ABHD16A: variants seen among roughly 807,000 people sequenced by gnomAD.
ABHD16A encodes the protein phosphatidylserine lipase ABHD16A.
A neutral mutation model predicts 89.8 loss-of-function variants in ABHD16A; 47 were observed. That is an observed-to-expected ratio of 0.52 (90% confidence interval 0.41 to 0.67). The LOEUF (loss-of-function observed/expected upper bound fraction) is 0.67. Among genes scored for constraint, ABHD16A ranks in the 30% least tolerant of loss-of-function variants. The pLI is 0.00. For synonymous variants in ABHD16A, 251 were observed against 280.4 expected (o/e 0.90, Z 1.05); for missense variants, 580 against 734.6 (o/e 0.79, Z 2.43).
At chr6:31,699,118 A>G (rs1804655783) in intron 4 of ABHD16A, among the ~76,000 whole-genome samples, 1 of 152,024 alleles carries the variant, frequency 6.6e-6, no homozygotes, top group Non-Finnish European at 1.5e-5. Flanking sequence ...TGAGAAAACC[A>G]TGCCCTTGCT....
Position 31,688,323 on chromosome 6 carries a change from G to A in ABHD16A, c.1251-18C>T, listed in dbSNP as rs777778576. Reference sequence around the variant, plus strand: ...CCTGGTATCTTCAGAGAACAGAGCAGTGGGAAGGGAGAGCTCAGAGGGAGA... The same window carrying A: ...CCTGGTATCTTCAGAGAACAGAGCAATGGGAAGGGAGAGCTCAGAGGGAGA... On this transcript the variant is annotated intron_variant, in intron 14 of 19. Transcript: ENST00000395952. This position sits in a 1 kb window ranked among gnomAD's most constrained non-coding sequence, Gnocchi z 4.9. 6.2e-7 allele frequency: 1 copy of A among 1,613,446 alleles called. No individual in the cohort carries two copies. Among genetic ancestry groups the A allele is most frequent in the Non-Finnish European group, 8.5e-7 (1 of 1,179,426 alleles).
chr6:31,689,858 G>T (rs1803694269), intron 11 of ABHD16A, among the ~76,000 whole-genome samples, 154 bp from the exon 12 acceptor site: 1 of 152,156 alleles, frequency 6.6e-6, no homozygotes, highest in Non-Finnish European at 1.5e-5. Flanking sequence ...CCAGAAGACG[G>T]ATGTGTACAA....
chr6:31,697,251 G>T (rs905589435), intron 4 of ABHD16A, among the ~76,000 whole-genome samples: 8 of 152,210 alleles, frequency 5.3e-5, no homozygotes, highest in Non-Finnish European at 8.8e-5. Flanking sequence ...CCTAGCTTCT[G>T]CAGTTTGTGT....
In ABHD16A at chr6:31,688,366, A is replaced by C. The variant is rs1803514439; in HGVS notation, c.1251-61T>G. ...GAGGGAGACGGGTGACAACTGGCCC[A>C]CCCCTATCCCTGCACTGGTAGCATT... On this transcript the variant is annotated intron_variant, in intron 14 of 19. Coordinates refer to ENST00000395952, the MANE Select transcript of ABHD16A (RefSeq NM_021160.3). This position sits in a 1 kb window ranked among gnomAD's most constrained non-coding sequence, Gnocchi z 4.9. 5.3e-6 allele frequency: 8 copies of C among 1,522,084 alleles called. No homozygotes were observed. The highest frequency in any genetic ancestry group is 6.4e-6 in the Non-Finnish European group (7 of 1,097,786). 94.3% of individuals were successfully genotyped at this position (1,522,084 alleles called of 1,614,324 possible). A position where few individuals can be genotyped will look rare whatever the true frequency, so the allele number is the denominator to read the frequency against.
At chr6:31,699,514 A>C (rs1804724529) in intron 4 of ABHD16A, among the ~76,000 whole-genome samples, 1 of 149,576 alleles carries the variant, frequency 6.7e-6, no homozygotes, top group Admixed American at 6.6e-5. Flanking sequence ...AACATACTGC[A>C]TACATTATTT....
chr6:31,688,217 G>A lies in ABHD16A; in HGVS notation c.1307+32C>T. On this transcript the variant is annotated intron_variant, in intron 15 of 19. Transcript: ENST00000395952. The surrounding 1 kb of genome is among the most constrained non-coding windows in gnomAD (Gnocchi z 4.9). ...GGACAAGTTCCTGGCCATCTCTGGG[G>A]TTCCTGAGGGCCGAGATTCCCACGC... The A allele has an allele frequency of 6.2e-7, 1 of 1,612,652 alleles. No individual in the cohort carries two copies. Among genetic ancestry groups the A allele is most frequent in the Non-Finnish European group, 8.5e-7 (1 of 1,178,766 alleles).
rs1292920750 is a variant in ABHD16A at position 31,698,796 on chromosome 6, AAC to A, written c.344-1765_344-1764del. 6.6e-6 allele frequency among the ~76,000 whole-genome samples: 1 copy of A among 152,098 alleles called. No individual in the cohort carries two copies. The highest frequency in any genetic ancestry group is 1.5e-5 in the Non-Finnish European group (1 of 68,018). ...CAGCCCTGCAGAGATCAGGGGGCAG[AAC>A]ACCTCAGGCAGAAGGTCCTGGACCC... On this transcript the variant is annotated intron_variant, in intron 4 of 19. Transcript: ENST00000395952. The surrounding 1 kb of genome is among the most constrained non-coding windows in gnomAD (Gnocchi z 4.1).
rs1289282758 is a variant in ABHD16A at position 31,698,353 on chromosome 6, C to T, written c.344-1320G>A. ...GGGAACTCCAACCCTAACTGTGGTGCTTTAGTATTTTGTTGACAGAAAGCA... is the reference window on the plus strand; with the variant it reads ...GGGAACTCCAACCCTAACTGTGGTGTTTTAGTATTTTGTTGACAGAAAGCA... On this transcript the variant is annotated intron_variant, in intron 4 of 19. Coordinates refer to ENST00000395952, the MANE Select transcript of ABHD16A (RefSeq NM_021160.3). This position sits in a 1 kb window ranked among gnomAD's most constrained non-coding sequence, Gnocchi z 4.1. 6.6e-6 allele frequency among the ~76,000 whole-genome samples: 1 copy of T among 151,590 alleles called. No individual in the cohort carries two copies. Among genetic ancestry groups the T allele is most frequent in the Admixed American group, 6.6e-5 (1 of 15,236 alleles).
rs779180487 is a variant in ABHD16A at position 31,690,136 on chromosome 6, CAG to C, written c.908-11_908-10del. 9.4e-6 allele frequency: 15 copies of C among 1,590,888 alleles called. No individual in the cohort carries two copies. Among genetic ancestry groups the C allele is most frequent in the Non-Finnish European group, 1.3e-5 (15 of 1,168,642 alleles). On this transcript the variant is annotated splice_polypyrimidine_tract_variant and intron_variant, in intron 10 of 19. Transcript: ENST00000395952. The surrounding 1 kb of genome is among the most constrained non-coding windows in gnomAD (Gnocchi z 4.1). Reference sequence around the variant, plus strand: ...CAGGACTGAATATCCAGCTGTAACACAGGGGGAGGAGGGACTGAGACCTTGTG... The same window carrying C: ...CAGGACTGAATATCCAGCTGTAACACGGGGAGGAGGGACTGAGACCTTGTG...
intron 1 of ABHD16A, 120 bp downstream of exon 1, chr6:31,703,030 G>A (rs1805181729): frequency 3.7e-6 from 5 of 1,362,988 alleles, no homozygotes; most frequent in East Asian, 2.7e-5. Flanking sequence ...CAGATTTTGC[G>A]GATAACTGGC....
Position 31,688,065 on chromosome 6 carries a change from A to C in ABHD16A, c.1346T>G (p.Leu449Arg), listed in dbSNP as rs1803478703. Residue 449 changes from leucine (L) to arginine (R), a missense_variant, in exon 16 of 20, where the codon CTC becomes CGC. Leu to Arg is a moderately radical substitution (Grantham distance 102, BLOSUM62 -2). Around this residue, in one of 2 missense-constraint regions of ABHD16A, gnomAD observed 415 missense variants for 568.8 expected, o/e 0.73. Transcript: ENST00000395952. This position sits in a 1 kb window ranked among gnomAD's most constrained non-coding sequence, Gnocchi z 4.9. ...EDIMSNRGND[L>R]LLKLLQHRYP... ...CCGATGCTGCAGGAGCTTCAGCAGG[A>C]GGTCATTGCCTCGGTTGGACATGAT... 6.2e-7 allele frequency: 1 copy of C among 1,612,978 alleles called. No homozygotes were observed. Among genetic ancestry groups the C allele is most frequent in the African/African-American group, 1.3e-5 (1 of 74,894 alleles).
chr6:31,687,445 A>G lies in ABHD16A; in HGVS notation c.1593+53T>C, dbSNP rs531922928. ...CTTATAGGGTATCCCCAGTCCCCCT[A>G]TGTGAGCCCTGGCCATTCAAGAACC... On this transcript the variant is annotated intron_variant, in intron 19 of 19. Transcript: ENST00000395952. This position sits in a 1 kb window ranked among gnomAD's most constrained non-coding sequence, Gnocchi z 6.3. 174 of 1,612,496 alleles carry G rather than the reference A, an allele frequency of 1.1e-4. No homozygotes were observed. Among genetic ancestry groups the G allele is most frequent in the South Asian group, 6.7e-4 (61 of 91,078 alleles).
Position 31,687,106 on chromosome 6 carries a change from T to C in ABHD16A, c.*106A>G. 5 of 1,149,340 alleles carry C rather than the reference T, an allele frequency of 4.4e-6. No homozygotes were observed. Among genetic ancestry groups the C allele is most frequent in the Non-Finnish European group, 6.2e-6 (5 of 803,894 alleles). The allele number at this position is 1,149,340 out of a possible 1,614,324, so 71.2% of individuals were successfully genotyped here. ...TGAGAAGGGGGATGGTCCCCCACTT[T>C]CCACAAACTATAAACAGCAACATGA... On this transcript the variant is annotated 3_prime_UTR_variant, in exon 20 of 20. Coordinates refer to ENST00000395952, the MANE Select transcript of ABHD16A (RefSeq NM_021160.3). The surrounding 1 kb of genome is among the most constrained non-coding windows in gnomAD (Gnocchi z 6.3).
chr6:31,688,627 AC>A lies in ABHD16A; in HGVS notation c.1250+95del. ...TCAGGATGTGAGCCAGTGGCCTTTTACCAACTTGCACTTTAGTACTAGTTTC... is the reference window on the plus strand; with the variant it reads ...TCAGGATGTGAGCCAGTGGCCTTTTACAACTTGCACTTTAGTACTAGTTTC... On this transcript the variant is annotated intron_variant, in intron 14 of 19. Transcript: ENST00000395952. This position sits in a 1 kb window ranked among gnomAD's most constrained non-coding sequence, Gnocchi z 4.9. 1 of 1,418,830 alleles carries A rather than the reference AC, an allele frequency of 7.0e-7. No individual in the cohort carries two copies. The highest frequency in any genetic ancestry group is 9.8e-7 in the Non-Finnish European group (1 of 1,019,004). 87.9% of individuals were successfully genotyped at this position (1,418,830 alleles called of 1,614,324 possible).
Position 31,689,037 on chromosome 6 carries a change from C to A in ABHD16A, c.1164G>T (p.Leu388Phe), listed in dbSNP as rs1238104004. 1.9e-6 allele frequency: 3 copies of A among 1,613,900 alleles called. No individual in the cohort carries two copies. The highest frequency in any genetic ancestry group is 2.5e-6 in the Non-Finnish European group (3 of 1,179,882). Residue 388 changes from leucine (L) to phenylalanine (F), a missense_variant, in exon 13 of 20, where the codon TTG becomes TTT. Physicochemically the swap from Leu to Phe is conservative, Grantham distance 22 (BLOSUM62 0). Around this residue, in one of 2 missense-constraint regions of ABHD16A, gnomAD observed 415 missense variants for 568.8 expected, o/e 0.73. Transcript: ENST00000395952. ...ASFDDLVPLA[L>F]KVMPDSWRGL... ...CACTCCAGCTGTCTGGCATGACCTT[C>A]AAGGCCAAGGGCACCAGGTCATCAA...
intron 4 of ABHD16A, among the ~76,000 whole-genome samples, chr6:31,699,172 C>T (rs182498093): frequency 2.0e-5 from 3 of 151,762 alleles, no homozygotes; most frequent in Admixed American, 6.6e-5. Flanking sequence ...TTTGGGAGGC[C>T]GAGGCGGGTG....
intron 2 of ABHD16A, among the ~76,000 whole-genome samples, chr6:31,701,725 G>C (rs886672696): frequency 5.3e-5 from 8 of 152,158 alleles, no homozygotes; most frequent in Non-Finnish European, 1.2e-4. Context: ...GTCACCACAG[G>C]AACTGTGCCA....
rs1349883031 is a variant in ABHD16A, at chr6:31,698,147, A to G, written c.344-1114T>C. On this transcript the variant is annotated intron_variant, in intron 4 of 19. Coordinates refer to ENST00000395952, the MANE Select transcript of ABHD16A (RefSeq NM_021160.3). This position sits in a 1 kb window ranked among gnomAD's most constrained non-coding sequence, Gnocchi z 4.1. The stretch of plus-strand genomic sequence containing the variant: ...CCATATTTCATAGATTCTAAAATGT[A>G]TATTTTTTAACCCTTGAAAACTCTG... Among the ~76,000 whole-genome samples the G allele has an allele frequency of 2.0e-5, 3 of 152,160 alleles. No homozygotes were observed. The highest frequency in any genetic ancestry group is 4.8e-5 in the African/African-American group (2 of 41,416).
rs145717144 is a variant in ABHD16A, at chr6:31,703,205, G to A, written c.77C>T (p.Pro26Leu). The A allele has an allele frequency of 2.8e-4, 405 of 1,441,374 alleles. No homozygotes were observed. Among genetic ancestry groups the A allele is most frequent in the East Asian group, 7.5e-4 (28 of 37,286 alleles). The allele number at this position is 1,441,374 out of a possible 1,614,324, so 89.3% of individuals were successfully genotyped here. The change falls in exon 1 of 20, where the codon CCG becomes CTG. Residue 26 changes from proline to leucine, a missense_variant. Transcript: ENST00000395952. ...IYRERDSERA[P>L]ASVPETPTAV... ...CGTTGGCGTCTCAGGGACGCTGGCCGGGGCCCTTTCAGAGTCCCTCTCCCG... is the reference window on the plus strand; with the variant it reads ...CGTTGGCGTCTCAGGGACGCTGGCCAGGGCCCTTTCAGAGTCCCTCTCCCG...
Sources: allele counts gnomAD v4.1 joint callset (sites outside exome capture counted in the v4.1 genomes callset), GRCh38; gene constraint gnomAD v4.1.1; regional missense constraint gnomAD v4.1.1; non-coding constraint Gnocchi (gnomAD v3.1); transcripts MANE v1.5; gene names NCBI Gene and HGNC (gene_info 2026-07-23, HGNC 2026-07-21).